Variants in RBFOX1 observed in about 807,000 individuals in gnomAD.
RBFOX1 encodes RNA binding protein fox-1 homolog 1.
In RBFOX1, 8 loss-of-function variants were observed where a neutral mutation model predicts 57.7. The observed-to-expected ratio is 0.14, with a 90% CI of 0.08 to 0.25. The LOEUF (loss-of-function observed/expected upper bound fraction) is 0.25, where lower values mean the gene tolerates loss of function less well. Ranked by LOEUF, RBFOX1 falls within the 10% of genes least tolerant of loss-of-function variation. The pLI is 1.00. For synonymous variants in RBFOX1, 326 were observed against 222.4 expected, an observed-to-expected ratio of 1.47 and a Z score of -4.15; for missense variants, 611 against 548.5, an observed-to-expected ratio of 1.11 and a Z score of -1.14.
At chr16:7,113,618 G>A (rs2065250941) in intron 4 of RBFOX1, among the ~76,000 whole-genome samples, 1 of 152,186 alleles carries the variant, frequency 6.6e-6, no homozygotes, top group African/African-American at 2.4e-5. Flanking sequence ...AGCATAGAGT[G>A]CAATACTACA....
intron 1 of RBFOX1, among the ~76,000 whole-genome samples, chr16:6,088,766 C>A (rs2096125967): frequency 6.6e-6 from 1 of 151,956 alleles, no homozygotes; most frequent in African/African-American, 2.4e-5. Context: ...TGAGTAATTT[C>A]CTGAAGAAGG....
intron 2 of RBFOX1, among the ~76,000 whole-genome samples, chr16:6,329,626 C>A (rs1190447420): frequency 6.6e-6 from 1 of 152,102 alleles, no homozygotes; most frequent in Non-Finnish European, 1.5e-5. Context: ...ATTTACAACT[C>A]CACTTCTTCA....
chr16:6,970,410 G>C (rs987745665), intron 3 of RBFOX1, among the ~76,000 whole-genome samples: 1 of 152,114 alleles, frequency 6.6e-6, no homozygotes, highest in African/African-American at 2.4e-5. Flanking sequence ...CACTGACTTA[G>C]TCTGCTCAGG....
chr16:5,692,168 TGTG>T (rs1596781532), intron 3 of RBFOX1, among the ~76,000 whole-genome samples: 1,472 of 143,522 alleles, frequency 0.01, 21 homozygotes, highest in African/African-American at 0.015. Flanking sequence ...GGACTGACTG[TGTG>T]TGTGTGTGTG....
At chr16:6,329,587 C>G (rs1416209381) in intron 2 of RBFOX1, among the ~76,000 whole-genome samples, 1 of 152,118 alleles carries the variant, frequency 6.6e-6, no homozygotes, top group African/African-American at 2.4e-5. Flanking sequence ...ATTCTGGTGC[C>G]TGGAGACCTC....
chr16:6,605,514 G>C (rs1174887198), intron 2 of RBFOX1, among the ~76,000 whole-genome samples: 2 of 152,178 alleles, frequency 1.3e-5, no homozygotes, highest in African/African-American at 2.4e-5. Context: ...AGAAATGACA[G>C]CATTTTGGCC....
At chr16:6,280,757 C>G (rs2076290710) in intron 1 of RBFOX1, among the ~76,000 whole-genome samples, 1 of 151,932 alleles carries the variant, frequency 6.6e-6, no homozygotes, top group South Asian at 2.1e-4. Flanking sequence ...ATTACATAAA[C>G]CAGTCACATC....
chr16:7,379,173 T>A (rs977023388), intron 4 of RBFOX1, among the ~76,000 whole-genome samples: 1 of 152,156 alleles, frequency 6.6e-6, no homozygotes, highest in African/African-American at 2.4e-5. Flanking sequence ...CTCTTTCCTC[T>A]CAAGGTTAAG....
chr16:7,105,046 C>A (rs1207755005), intron 4 of RBFOX1, among the ~76,000 whole-genome samples: 4 of 152,136 alleles, frequency 2.6e-5, no homozygotes, highest in Non-Finnish European at 5.9e-5. Flanking sequence ...ACCTACAGAT[C>A]TCCACTTACA....
intron 1 of RBFOX1, among the ~76,000 whole-genome samples, chr16:5,464,949 A>T (rs570886369): frequency 8.5e-5 from 13 of 152,108 alleles, no homozygotes; most frequent in Non-Finnish European, 1.6e-4. Context: ...TAGGAGCTTG[A>T]GGGCAGAGAC....
chr16:6,135,789 T>TC (rs2096662552), intron 1 of RBFOX1, among the ~76,000 whole-genome samples: 1 of 130,530 alleles, frequency 7.7e-6, no homozygotes, highest in Non-Finnish European at 1.6e-5. Flanking sequence ...TTTCGACTTT[T>TC]TTTTTTTTTT....
rs572728752 is a variant in RBFOX1, at chr16:6,584,783, C to G, written c.-63-69820C>G. Among the ~76,000 whole-genome samples, 4 of 152,198 alleles carry G rather than the reference C, an allele frequency of 2.6e-5. No homozygotes were observed. In the East Asian group the frequency reaches 5.8e-4, roughly 22 times the overall value. The stretch of plus-strand genomic sequence containing the variant: ...CACCAAGGCAGGACCAGCCTGGCAC[C>G]GATCACTGAAGGATTGTGATTAAGT... On this transcript the variant is annotated intron_variant, in intron 2 of 15. Coordinates refer to ENST00000550418, the MANE Select transcript of RBFOX1 (RefSeq NM_018723.4).
Position 7,630,742 on chromosome 16 carries a change from T to C in RBFOX1, c.757+59T>C, listed in dbSNP as rs748359764. On this transcript the variant is annotated intron_variant, in intron 11 of 15. Coordinates refer to ENST00000550418, the MANE Select transcript of RBFOX1 (RefSeq NM_018723.4). ...GACATAAATCTGAGTCCAATCACCT[T>C]CCCTGCCATGTAAGTTCTCTCCCCC... 4.6e-4 allele frequency: 734 copies of C among 1,605,280 alleles called. 1 individual carries two copies. The highest frequency in any genetic ancestry group is 5.5e-4 in the Non-Finnish European group (646 of 1,175,902).
At chr16:6,222,500 G>T (rs1209561267) in intron 1 of RBFOX1, among the ~76,000 whole-genome samples, 1 of 151,610 alleles carries the variant, frequency 6.6e-6, no homozygotes, top group African/African-American at 2.4e-5. Context: ...ATGTCAGGAG[G>T]ATTGCAGATA....
intron 3 of RBFOX1, among the ~76,000 whole-genome samples, chr16:6,764,873 G>T (rs1376800111): frequency 2.0e-5 from 3 of 152,090 alleles, no homozygotes; most frequent in Non-Finnish European, 2.9e-5. Flanking sequence ...GAAGGTGAAG[G>T]TTGCAGTGAG....
At chr16:7,147,296 C>T (rs927066404) in intron 4 of RBFOX1, among the ~76,000 whole-genome samples, 2 of 151,684 alleles carry the variant, frequency 1.3e-5, no homozygotes, top group African/African-American at 4.8e-5. Context: ...TGAGCCACCA[C>T]ACCTGGCCCT....
chr16:6,913,193 A>AT (rs959317348), intron 3 of RBFOX1, among the ~76,000 whole-genome samples: 1 of 152,020 alleles, frequency 6.6e-6, no homozygotes, highest in African/African-American at 2.4e-5. Flanking sequence ...CTTGAAAAAC[A>AT]TTTTTTTAAA....
intron 4 of RBFOX1, among the ~76,000 whole-genome samples, chr16:7,443,042 A>C (rs2098781257): frequency 6.6e-6 from 1 of 152,210 alleles, no homozygotes; most frequent in African/African-American, 2.4e-5. Flanking sequence ...TACTTTGGGC[A>C]GCCCCATTCG....
At chr16:7,358,942 G>A (rs1394986870) in intron 4 of RBFOX1, among the ~76,000 whole-genome samples, 1 of 152,178 alleles carries the variant, frequency 6.6e-6, no homozygotes, top group African/African-American at 2.4e-5. Flanking sequence ...GATCCATAAA[G>A]TAAAACATTT....
Sources: gnomAD v4.1 joint callset for allele counts (sites outside exome capture counted in the v4.1 genomes callset) on GRCh38, gnomAD v4.1.1 for gene constraint, MANE v1.5 for transcripts, NCBI Gene and HGNC (gene_info 2026-07-23, HGNC 2026-07-21) for gene names.